DAB2IP: variants seen among roughly 807,000 people sequenced by gnomAD.
DAB2IP encodes DAB2 interacting protein, also known as disabled homolog 2-interacting protein.
In DAB2IP, 28 loss-of-function variants were observed where a neutral mutation model predicts 107.2. The ratio of observed to expected loss-of-function variants is 0.26; its 90% CI spans 0.19 to 0.36. The LOEUF (loss-of-function observed/expected upper bound fraction) is 0.36. Ranked by LOEUF, DAB2IP falls within the 10% of genes least tolerant of loss-of-function variation. DAB2IP has a pLI of 1.00. For missense variants in DAB2IP, 1,400 were observed against 1,644.7 expected, an observed-to-expected ratio of 0.85 and a Z score of 2.57; for synonymous variants, 755 against 706.4, an observed-to-expected ratio of 1.07 and a Z score of -1.09.
intron 1 of DAB2IP, among the ~76,000 whole-genome samples, chr9:121,667,422 A>G (rs1833489072): frequency 1.3e-5 from 2 of 152,050 alleles, no homozygotes; most frequent in Non-Finnish European, 1.5e-5. Context: ...CGTGGGAGCT[A>G]TGTTTCCCCA....
chr9:121,739,767 G>A (rs957667078), intron 3 of DAB2IP, among the ~76,000 whole-genome samples: 3 of 152,202 alleles, frequency 2.0e-5, no homozygotes, highest in African/African-American at 7.2e-5. Flanking sequence ...GGATAGGGCT[G>A]GGGATGCACT....
intron 3 of DAB2IP, among the ~76,000 whole-genome samples, chr9:121,730,644 C>T (rs938462038): frequency 6.6e-6 from 1 of 152,182 alleles, no homozygotes; most frequent in Non-Finnish European, 1.5e-5. Flanking sequence ...GGAGGTGCAT[C>T]TGCAGCAGAG....
chr9:121,585,493 A>G (rs185675073), intron 1 of DAB2IP, among the ~76,000 whole-genome samples: 127 of 152,318 alleles, frequency 8.3e-4, no homozygotes, highest in Non-Finnish European at 1.4e-3. Flanking sequence ...TGTTATCATT[A>G]TTTGGACTCT....
chr9:121,691,738 G>A (rs1434338814), intron 2 of DAB2IP, among the ~76,000 whole-genome samples: 1 of 152,134 alleles, frequency 6.6e-6, no homozygotes, highest in African/African-American at 2.4e-5. Flanking sequence ...GGAATCCCCT[G>A]CTCCCACCTT....
rs924715904 is a variant in DAB2IP at position 121,595,461 on chromosome 9, G to A, written c.40+28233G>A. ...CAAACAAACAAACAAAAATTAGCCC[G>A]CCATGGTGGCGTGTGCCTGTAGTCC... On this transcript the variant is annotated intron_variant, in intron 1 of 16. Transcript: ENST00000259371. 2.0e-5 allele frequency among the ~76,000 whole-genome samples: 3 copies of A among 151,900 alleles called. No individual in the cohort carries two copies. In the East Asian group the frequency reaches 5.8e-4, roughly 29 times the overall value.
At position 121,633,385 on chromosome 9, in the gene DAB2IP, C is replaced by G. The variant is rs1258714967; in HGVS notation, c.41-45293C>G. Among the ~76,000 whole-genome samples, 1 of 152,038 alleles carries G rather than the reference C, an allele frequency of 6.6e-6. No homozygotes were observed. The highest frequency in any genetic ancestry group is 1.5e-5 in the Non-Finnish European group (1 of 67,984). ...TTGTGTCTTTGCCCACTGACCCCAC[C>G]CCCCCTACCAAACCACCTCTGCTGC... On this transcript the variant is annotated intron_variant, in intron 1 of 16. Coordinates refer to the DAB2IP transcript ENST00000259371. This position sits in a 1 kb window ranked among gnomAD's most constrained non-coding sequence, Gnocchi z 5.1.
At chr9:121,690,260 A>T (rs1168922841) in intron 2 of DAB2IP, among the ~76,000 whole-genome samples, 1 of 151,994 alleles carries the variant, frequency 6.6e-6, no homozygotes. Flanking sequence ...AGGATAGGGG[A>T]GTTTTGCTGG....
intron 3 of DAB2IP, chr9:121,752,923 G>A (rs1833223994): frequency 1.3e-5 from 2 of 152,228 alleles, no homozygotes; most frequent in African/African-American, 2.4e-5. Flanking sequence ...CAAGAGGTTT[G>A]GGTGTCGCAG....
chr9:121,749,651 C>T (rs557366246), intron 3 of DAB2IP, among the ~76,000 whole-genome samples: 50 of 152,298 alleles, frequency 3.3e-4, no homozygotes, highest in Non-Finnish European at 6.6e-4. Context: ...GGGGCCTCCT[C>T]ACGGGGGTCT....
intron 2 of DAB2IP, among the ~76,000 whole-genome samples, chr9:121,697,484 T>G (rs1829485669): frequency 6.6e-6 from 1 of 152,118 alleles, no homozygotes; most frequent in East Asian, 1.9e-4. Flanking sequence ...CACGCAGAGG[T>G]GCAGGCCTCT....
intron 1 of DAB2IP, among the ~76,000 whole-genome samples, chr9:121,630,753 G>A (rs1831846093): frequency 6.6e-6 from 1 of 151,686 alleles, no homozygotes; most frequent in Admixed American, 6.6e-5. Flanking sequence ...GATTACAGGT[G>A]TGCACCACTA....
chr9:121,749,549 A>G (rs1484233201), intron 3 of DAB2IP, among the ~76,000 whole-genome samples: 1 of 152,160 alleles, frequency 6.6e-6, no homozygotes, highest in Non-Finnish European at 1.5e-5. Context: ...TGGTTGGGGT[A>G]GTGGACAGTG....
chr9:121,686,316 T>A (rs903555470), intron 2 of DAB2IP, among the ~76,000 whole-genome samples: 2 of 152,146 alleles, frequency 1.3e-5, no homozygotes, highest in Admixed American at 1.3e-4. Context: ...GTGAGGAGGA[T>A]GGAAGTGAAG....
At chr9:121,780,261 C>G (rs865982641) in intron 14 of DAB2IP, among the ~76,000 whole-genome samples, 2 of 152,204 alleles carry the variant, frequency 1.3e-5, no homozygotes, top group Admixed American at 6.5e-5. Context: ...AAATACCCTC[C>G]TGCCACCCCA....
chr9:121,748,224 G>A (rs758915774), intron 3 of DAB2IP, among the ~76,000 whole-genome samples: 24 of 152,336 alleles, frequency 1.6e-4, no homozygotes, highest in Non-Finnish European at 2.9e-4. Context: ...GAGGAAACTC[G>A]TTCAGGGTCT....
At chr9:121,653,127 A>G (rs1340653726) in intron 1 of DAB2IP, among the ~76,000 whole-genome samples, 2 of 151,978 alleles carry the variant, frequency 1.3e-5, no homozygotes, top group African/African-American at 2.4e-5. Context: ...AATTAACAGT[A>G]CTAAGTTACT....
intron 3 of DAB2IP, among the ~76,000 whole-genome samples, chr9:121,721,735 T>C (rs1361125302): frequency 2.0e-5 from 3 of 152,206 alleles, no homozygotes; most frequent in Admixed American, 6.5e-5. Context: ...GTTGACCAAA[T>C]ACAGCTCATA....
chr9:121,603,369 C>T lies in DAB2IP; in HGVS notation c.40+36141C>T, dbSNP rs73661793. On this transcript the variant is annotated intron_variant, in intron 1 of 16. Coordinates refer to the DAB2IP transcript ENST00000259371. ...CAATTCTGGCCTACCAGCTGTGCTG[C>T]AGACAGGGTGCTTGTTCTGCCTTGG... Among the ~76,000 whole-genome samples, 512 of 152,104 alleles carry T rather than the reference C, an allele frequency of 3.4e-3. 1 individual carries two copies. Among genetic ancestry groups the T allele is most frequent in the African/African-American group, 0.012 (492 of 41,394 alleles).
chr9:121,750,329 G>A (rs908280304), intron 3 of DAB2IP, among the ~76,000 whole-genome samples: 4 of 151,916 alleles, frequency 2.6e-5, no homozygotes, highest in South Asian at 2.1e-4. Flanking sequence ...GTGCGCGCGC[G>A]CGTGTGTGTG....
Sources: allele counts gnomAD v4.1 joint callset (sites outside exome capture counted in the v4.1 genomes callset), GRCh38; gene constraint gnomAD v4.1.1; non-coding constraint Gnocchi (gnomAD v3.1); transcripts MANE v1.5; gene names NCBI Gene and HGNC (gene_info 2026-07-23, HGNC 2026-07-21).